ABCC3: variants seen among roughly 807,000 people sequenced by gnomAD.
ABCC3 encodes ATP binding cassette subfamily C member 3, also known as ATP-binding cassette sub-family C member 3.
ABCC3 carries 121 observed loss-of-function variants against 165.3 expected under a neutral mutation model. The observed-to-expected ratio is 0.73, with a 90% CI of 0.63 to 0.85. ABCC3 has a LOEUF of 0.85. ABCC3 is among the 40% of genes least tolerant of loss of function. The pLI is 0.00. For synonymous variants in ABCC3, 733 were observed against 810.1 expected (o/e 0.90, Z 1.62); for missense variants, 1,869 against 1,964.1 (o/e 0.95, Z 0.92).
intron 19 of ABCC3, among the ~76,000 whole-genome samples, chr17:50,673,973 T>C (rs553272773): frequency 0.03 from 475 of 16,032 alleles, 4 homozygotes; most frequent in Middle Eastern, 0.075. Flanking sequence ...TCTTTCTTTC[T>C]TTCTTTCTCT....
chr17:50,685,101 G>A (rs1025826151), intron 29 of ABCC3, among the ~76,000 whole-genome samples: 3 of 152,222 alleles, frequency 2.0e-5, no homozygotes, highest in Non-Finnish European at 2.9e-5. Flanking sequence ...ACCGGTCAGG[G>A]AACTGAGGCT....
intron 4 of ABCC3, among the ~76,000 whole-genome samples, chr17:50,657,634 C>T (rs1325058873): frequency 6.6e-6 from 1 of 152,210 alleles, no homozygotes; most frequent in Non-Finnish European, 1.5e-5. Flanking sequence ...TGGGATGGAA[C>T]ACTGCAGGCC....
chr17:50,650,039 T>C (rs1967085056), intron 1 of ABCC3, among the ~76,000 whole-genome samples: 1 of 152,250 alleles, frequency 6.6e-6, no homozygotes, highest in African/African-American at 2.4e-5. Context: ...TACAATTTCC[T>C]ATTATGATCA....
At chr17:50,668,367 C>A in intron 13 of ABCC3, 63 bp from the exon 14 acceptor site, 2 of 1,434,766 alleles carry the variant, frequency 1.4e-6, no homozygotes, top group Non-Finnish European at 2.0e-6. Flanking sequence ...GGGGATGGGG[C>A]GAGGGTAGGG....
At chr17:50,685,047 C>G (rs754223509) in intron 29 of ABCC3, among the ~76,000 whole-genome samples, 172 bp downstream of exon 29, 1 of 152,158 alleles carries the variant, frequency 6.6e-6, no homozygotes, top group African/African-American at 2.4e-5. Flanking sequence ...ACTGCCCCGC[C>G]GACTCCTCAC....
At chr17:50,673,698 C>A in intron 19 of ABCC3, 40 bp downstream of exon 19, 3 of 1,597,900 alleles carry the variant, frequency 1.9e-6, no homozygotes, top group Non-Finnish European at 2.6e-6. Flanking sequence ...CATGCCTTCC[C>A]AGCATTCCCC....
chr17:50,689,828 A>C (rs1157958216), intron 30 of ABCC3, among the ~76,000 whole-genome samples: 1 of 152,210 alleles, frequency 6.6e-6, no homozygotes, highest in Non-Finnish European at 1.5e-5. Context: ...ACCTGTTCCC[A>C]GGCCTAACCA....
chr17:50,650,512 T>C (rs1477351519), intron 1 of ABCC3, among the ~76,000 whole-genome samples: 1 of 152,218 alleles, frequency 6.6e-6, no homozygotes, highest in African/African-American at 2.4e-5. Flanking sequence ...ACAAACCTCC[T>C]ACAACTCTTA....
In ABCC3 at chr17:50,661,103, A is replaced by G; in HGVS notation, c.987A>G (p.Pro329=). 6.2e-7 allele frequency: 1 copy of G among 1,612,600 alleles called. No homozygotes were observed. Among genetic ancestry groups the G allele is most frequent in the Non-Finnish European group, 8.5e-7 (1 of 1,179,124 alleles). Residue 329 remains proline (P), a synonymous_variant, in exon 8 of 31, where the codon CCA becomes CCG. Transcript: ENST00000285238. ...LIQDLLSFIN[P]QLLSILIRFI... is the part of the protein sequence containing the mutation. ...AGGACCTGCTCTCCTTCATCAATCC[A>G]CAGCTGCTCAGGTCTCTCCACACTC...
chr17:50,641,158 T>C lies in ABCC3; in HGVS notation c.45+6177T>C, dbSNP rs146107733. Reference sequence around the variant, plus strand: ...GCAGTGATTTCAGCTTCAGTGACCATGAAGTCTGCCATGAGGGGGCCTCTG... The same window carrying C: ...GCAGTGATTTCAGCTTCAGTGACCACGAAGTCTGCCATGAGGGGGCCTCTG... On this transcript the variant is annotated intron_variant, in intron 1 of 30. Coordinates refer to ENST00000285238, the MANE Select transcript of ABCC3 (RefSeq NM_003786.4). Among the ~76,000 whole-genome samples, 1,213 of 152,326 alleles carry C rather than the reference T, an allele frequency of 8.0e-3. 5 individuals are homozygous for C. The highest frequency in any genetic ancestry group is 0.013 in the Non-Finnish European group (897 of 68,020).
At chr17:50,641,990 T>TG (rs751199356) in intron 1 of ABCC3, among the ~76,000 whole-genome samples, 8 of 134,354 alleles carry the variant, frequency 6.0e-5, no homozygotes, top group Non-Finnish European at 1.1e-4. Flanking sequence ...AAGATTACAG[T>TG]GGGGAAAAAA....
At chr17:50,635,652 A>G in intron 1 of ABCC3, 1 of 698,896 alleles carries the variant, frequency 1.4e-6, no homozygotes, top group South Asian at 1.5e-5. Flanking sequence ...ACAGATGGAG[A>G]AAGGGAGGCC....
chr17:50,683,002 G>A lies in ABCC3; in HGVS notation c.3808-608G>A, dbSNP rs909182601. Among the ~76,000 whole-genome samples, 5 of 152,048 alleles carry A rather than the reference G, an allele frequency of 3.3e-5. No individual in the cohort carries two copies. In the East Asian group the frequency reaches 5.8e-4, roughly 18 times the overall value. On this transcript the variant is annotated intron_variant, in intron 26 of 30. Transcript: ENST00000285238. The stretch of plus-strand genomic sequence containing the variant: ...GAGGATCCCTGGAGGCTAGGAGTTC[G>A]AGACCAGCCTGGTCAACACAGCGAG...
intron 29 of ABCC3, among the ~76,000 whole-genome samples, chr17:50,687,099 G>A (rs1264942241): frequency 6.6e-6 from 1 of 152,172 alleles, no homozygotes; most frequent in African/African-American, 2.4e-5. Context: ...GGGGTGGGAG[G>A]TGACTGCCTG....
At chr17:50,658,886 AC>A (rs997286721) in intron 6 of ABCC3, among the ~76,000 whole-genome samples, 1 of 152,002 alleles carries the variant, frequency 6.6e-6, no homozygotes, top group Non-Finnish European at 1.5e-5. Flanking sequence ...CAGCTCATTA[AC>A]CCCACAGCAC....
At chr17:50,689,028 C>A (rs1174168942) in intron 30 of ABCC3, among the ~76,000 whole-genome samples, 3 of 152,070 alleles carry the variant, frequency 2.0e-5, no homozygotes, top group Non-Finnish European at 4.4e-5. Flanking sequence ...CATGGTGAAA[C>A]CCTGTCTCTA....
chr17:50,673,028 A>G lies in ABCC3; in HGVS notation c.2299A>G (p.Ser767Gly), dbSNP rs1030146977. ...GGTCAGTCTGGCTCGAGCTGTTTAC[A>G]GTGATGCCGATATTTTCTTGCTGGA... Reference protein sequence around the residue: ...QRVSLARAVYSDADIFLLDDP... With the variant: ...QRVSLARAVYGDADIFLLDDP... Residue 767 changes from serine to glycine, a missense_variant, in exon 18 of 31, where the codon AGT becomes GGT. Transcript: ENST00000285238. 3 of 1,614,116 alleles carry G rather than the reference A, an allele frequency of 1.9e-6. No individual in the cohort carries two copies.
intron 1 of ABCC3, among the ~76,000 whole-genome samples, chr17:50,638,048 C>T (rs973239963): frequency 6.6e-6 from 1 of 152,220 alleles, no homozygotes; most frequent in Non-Finnish European, 1.5e-5. Context: ...TCACCCATAT[C>T]GACTTTGAAG....
chr17:50,687,484 A>G, intron 29 of ABCC3, 52 bp from the exon 30 acceptor site: 1 of 1,573,726 alleles, frequency 6.4e-7, no homozygotes, highest in African/African-American at 1.3e-5. Context: ...AATGAGGCCC[A>G]GAGGCAGGTG....
Sources: gnomAD v4.1 joint callset for allele counts (sites outside exome capture counted in the v4.1 genomes callset) on GRCh38, gnomAD v4.1.1 for gene constraint, MANE v1.5 for transcripts, NCBI Gene and HGNC (gene_info 2026-07-23, HGNC 2026-07-21) for gene names.